The following GRIA4 variants were observed in gnomAD, a reference collection of about 807,000 sequenced individuals.
GRIA4 encodes glutamate receptor 4.
A neutral mutation model predicts 104.0 loss-of-function variants in GRIA4; 34 were observed. The ratio of observed to expected loss-of-function variants is 0.33; its 90% confidence interval spans 0.25 to 0.44. GRIA4 has a LOEUF of 0.44. GRIA4 is among the 20% of genes least tolerant of loss of function. The probability of loss-of-function intolerance (pLI) is 1.00; values close to 1 mark genes in which losing one functional copy is unlikely to be tolerated. For missense variants in GRIA4, 750 were observed against 1,096.5 expected, an observed-to-expected ratio of 0.68 and a Z score of 4.46; for synonymous variants, 386 against 381.9, an observed-to-expected ratio of 1.01 and a Z score of -0.13.
chr11:105,701,794 G>A (rs1953503431), intron 3 of GRIA4, among the ~76,000 whole-genome samples: 1 of 152,116 alleles, frequency 6.6e-6, no homozygotes. Flanking sequence ...TACACATTTA[G>A]ACCTAATACT....
rs144205307 is a variant in GRIA4 at position 105,753,149 on chromosome 11, G to A, written c.416G>A (p.Arg139Gln). 14 of 1,613,642 alleles carry A rather than the reference G, an allele frequency of 8.7e-6. No individual in the cohort carries two copies. Among genetic ancestry groups the A allele is most frequent in the Middle Eastern group, 1.7e-4 (1 of 6,060 alleles). ...QFVLQLRPSL[R>Q]GALLSLLDHY... is the part of the protein sequence containing the mutation. ...GTGCTGCAACTAAGACCTTCGTTACGAGGAGCACTCTTGAGTTTGCTGGAT... is the reference window on the plus strand; with the variant it reads ...GTGCTGCAACTAAGACCTTCGTTACAAGGAGCACTCTTGAGTTTGCTGGAT... The change falls in exon 4 of 17, where the codon CGA becomes CAA. Residue 139 changes from arginine (R) to glutamine (Q), a missense_variant. Physicochemically the swap from Arg to Gln is conservative, Grantham distance 43. Around this residue, in one of 3 missense-constraint regions of GRIA4, gnomAD observed 410 missense variants for 502.7 expected, o/e 0.82. Transcript: ENST00000282499.
chr11:105,782,920 T>A (rs1941792867), intron 4 of GRIA4, among the ~76,000 whole-genome samples: 1 of 152,168 alleles, frequency 6.6e-6, no homozygotes, highest in Non-Finnish European at 1.5e-5. Context: ...GGTTGGAAGA[T>A]TGAGTGAAAT....
chr11:105,924,657 G>A lies in GRIA4; in HGVS notation c.1735G>A (p.Glu579Lys). The change falls in exon 12 of 17, where the codon GAG (glutamate) becomes AAG (lysine). Residue 579 changes from glutamate (E) to lysine (K), a missense_variant. Glu to Lys is a moderately conservative substitution (Grantham distance 56, BLOSUM62 1). Coordinates refer to ENST00000282499, the MANE Select transcript of GRIA4 (RefSeq NM_000829.4). ...SPYEWHTEEPEDGKEGPSDQP... is the reference protein window; with the variant it reads ...SPYEWHTEEPKDGKEGPSDQP... ...ATATGAGTGGCACACAGAAGAGCCA[G>A]AGGACGGAAAGGAAGGACCCAGCGA... 2 of 1,613,168 alleles carry A rather than the reference G, an allele frequency of 1.2e-6. No homozygotes were observed. Among genetic ancestry groups the A allele is most frequent in the Non-Finnish European group, 1.7e-6 (2 of 1,179,464 alleles).
At position 105,891,298 on chromosome 11, in the gene GRIA4, C is replaced by T. The variant is rs538459080; in HGVS notation, c.726+3726C>T. Among the ~76,000 whole-genome samples the T allele has an allele frequency of 5.3e-5, 8 of 152,298 alleles. No individual in the cohort carries two copies. The South Asian group carries it at 1.7e-3, about 32-fold the overall frequency. On this transcript the variant is annotated intron_variant, in intron 6 of 16. Coordinates refer to ENST00000282499, the MANE Select transcript of GRIA4 (RefSeq NM_000829.4). ...TTACTTGCTAATACGTGTCTCACTT[C>T]TCCTCAGAGTTTGGATGTCTCTCCA...
chr11:105,821,269 T>C (rs1943566796), intron 4 of GRIA4, among the ~76,000 whole-genome samples: 1 of 152,114 alleles, frequency 6.6e-6, no homozygotes, highest in Non-Finnish European at 1.5e-5. Flanking sequence ...TAGTTAAAAT[T>C]GTATTGAAGC....
chr11:105,693,060 G>A (rs1016266649), intron 3 of GRIA4, among the ~76,000 whole-genome samples: 1 of 152,104 alleles, frequency 6.6e-6, no homozygotes, highest in African/African-American at 2.4e-5. Context: ...TCTTTGCACC[G>A]CTTTATGTTA....
At chr11:105,797,189 A>G (rs1942512294) in intron 4 of GRIA4, among the ~76,000 whole-genome samples, 1 of 152,176 alleles carries the variant, frequency 6.6e-6, no homozygotes. Flanking sequence ...AGCCTGGATG[A>G]CAGAGCAAGA....
intron 3 of GRIA4, among the ~76,000 whole-genome samples, chr11:105,699,851 C>T (rs889209993): frequency 2.0e-5 from 3 of 152,080 alleles, no homozygotes; most frequent in African/African-American, 7.2e-5. Context: ...TTTCCCCTTA[C>T]CCGGCTTTAT....
chr11:105,722,817 A>G (rs7931588), intron 3 of GRIA4, among the ~76,000 whole-genome samples: 72,437 of 151,900 alleles, frequency 0.48, 17,901 homozygotes, highest in Admixed American at 0.58. Context: ...AAATTTAGAT[A>G]AATATTTAAG....
chr11:105,944,675 C>T (rs552842484), intron 14 of GRIA4, among the ~76,000 whole-genome samples: 2 of 152,174 alleles, frequency 1.3e-5, no homozygotes, highest in East Asian at 3.9e-4. Flanking sequence ...GTAGTTGTTG[C>T]TTTTATCTTC....
intron 3 of GRIA4, among the ~76,000 whole-genome samples, chr11:105,684,222 G>A (rs926623465): frequency 2.0e-5 from 3 of 152,042 alleles, no homozygotes; most frequent in African/African-American, 7.2e-5. Flanking sequence ...TGTTTCAGGC[G>A]AAGACAAGTA....
chr11:105,683,085 A>G (rs1428215776), intron 3 of GRIA4, among the ~76,000 whole-genome samples: 1 of 152,176 alleles, frequency 6.6e-6, no homozygotes, highest in African/African-American at 2.4e-5. Flanking sequence ...TAAAAAATAA[A>G]TTTGCTAAAC....
rs57222107 is a variant in GRIA4 at position 105,981,591 on chromosome 11, A to AC, written c.*1852_*1853insC. ...CACACACACACACACACACACACAC[A>AC]AGTCCCTCAGGAAAAATTCCAAGCT... is the stretch of plus-strand genomic sequence containing the variant. On this transcript the variant is annotated 3_prime_UTR_variant, in exon 17 of 17. Transcript: ENST00000282499. The AC allele has an allele frequency of 0.074, 11,208 of 151,710 alleles. 495 individuals are homozygous for AC. Among genetic ancestry groups the AC allele is most frequent in the African/African-American group, 0.1 (3,968 of 39,796 alleles). 9.4% of individuals were successfully genotyped at this position (151,710 alleles called of 1,614,324 possible).
chr11:105,927,833 TTATGAA>T (rs1259989183), intron 13 of GRIA4, among the ~76,000 whole-genome samples: 2 of 152,162 alleles, frequency 1.3e-5, no homozygotes, highest in African/African-American at 4.8e-5. Context: ...AGTGACATTT[TTATGAA>T]TATCGAACTA....
chr11:105,748,411 C>T (rs1010029624), intron 3 of GRIA4, among the ~76,000 whole-genome samples: 9 of 151,014 alleles, frequency 6.0e-5, no homozygotes, highest in African/African-American at 2.2e-4. Flanking sequence ...CGGAGTTTTG[C>T]TCTTGCTGCC....
chr11:105,689,224 A>G (rs1361806956), intron 3 of GRIA4, among the ~76,000 whole-genome samples: 1 of 152,070 alleles, frequency 6.6e-6, no homozygotes, highest in Non-Finnish European at 1.5e-5. Flanking sequence ...GAAATTGGAG[A>G]AAGTGTAATT....
At chr11:105,611,471 C>T (rs1406119541) in intron 2 of GRIA4, among the ~76,000 whole-genome samples, 1 of 152,104 alleles carries the variant, frequency 6.6e-6, no homozygotes, top group Non-Finnish European at 1.5e-5. Context: ...AAAAAATCCA[C>T]TTCTTCCCAT....
rs112483500 is a variant in GRIA4, at chr11:105,946,412, G to A, written c.2294+12443G>A. 6.8e-3 allele frequency among the ~76,000 whole-genome samples: 1,035 copies of A among 151,918 alleles called. 8 individuals are homozygous for A. The highest frequency in any genetic ancestry group is 0.022 in the African/African-American group (917 of 41,436). On this transcript the variant is annotated intron_variant, in intron 14 of 16. Transcript: ENST00000282499. ...GGCCTGGGCAACATGGCAAAACCCC[G>A]TCTCTACAAAAAAATAGAAAACAAT...
chr11:105,754,009 A>G (rs539521391), intron 4 of GRIA4, among the ~76,000 whole-genome samples: 1 of 152,246 alleles, frequency 6.6e-6, no homozygotes, highest in South Asian at 2.1e-4. Context: ...TTATGTAGGC[A>G]TAATTGATTA....
Sources: allele counts gnomAD v4.1 joint callset (sites outside exome capture counted in the v4.1 genomes callset), GRCh38; gene constraint gnomAD v4.1.1; regional missense constraint gnomAD v4.1.1; transcripts MANE v1.5; gene names NCBI Gene and HGNC (gene_info 2026-07-23, HGNC 2026-07-21).